Variants in AKAP6 observed in about 807,000 individuals in gnomAD.
AKAP6 encodes the protein A-kinase anchor protein 6.
A neutral mutation model predicts 188.5 loss-of-function variants in AKAP6; 58 were observed. That is an observed-to-expected ratio of 0.31 (90% CI 0.25 to 0.38). The LOEUF (loss-of-function observed/expected upper bound fraction) is 0.38, where lower values mean the gene tolerates loss of function less well. Ranked by LOEUF, AKAP6 falls within the 10% of genes least tolerant of loss-of-function variation. The pLI, the probability that AKAP6 is intolerant of heterozygous loss-of-function variation, is 1.00. For synonymous variants in AKAP6, 989 were observed against 998.6 expected (o/e 0.99, Z 0.18); for missense variants, 2,710 against 2,740.0 (o/e 0.99, Z 0.24).
At chr14:32,566,128 T>C (rs1404476782) in intron 4 of AKAP6, among the ~76,000 whole-genome samples, 1 of 152,172 alleles carries the variant, frequency 6.6e-6, no homozygotes, top group African/African-American at 2.4e-5. Flanking sequence ...CTAAATGTTA[T>C]TTACCTTTTT....
At chr14:32,687,949 A>T (rs1890004676) in intron 8 of AKAP6, among the ~76,000 whole-genome samples, 1 of 152,074 alleles carries the variant, frequency 6.6e-6, no homozygotes, top group South Asian at 2.1e-4. Context: ...ACACCCCTTT[A>T]ATGTGAAATA....
rs1220078671 is a variant in AKAP6, at chr14:32,594,332, CA to C, written c.2470-5077del. Among the ~76,000 whole-genome samples the C allele has an allele frequency of 3.3e-5, 5 of 152,256 alleles. No individual in the cohort carries two copies. In the East Asian group the frequency reaches 9.6e-4, roughly 29 times the overall value. Reference sequence around the variant, plus strand: ...TCTAAGTACTAAGACTATTTACTTACATATATGTAATTTTATCATAGATACA... The same window carrying C: ...TCTAAGTACTAAGACTATTTACTTACTATATGTAATTTTATCATAGATACA... On this transcript the variant is annotated intron_variant, in intron 5 of 13. Coordinates refer to ENST00000280979, the MANE Select transcript of AKAP6 (RefSeq NM_004274.5).
chr14:32,411,281 G>A (rs1889475514), intron 1 of AKAP6, among the ~76,000 whole-genome samples: 1 of 152,028 alleles, frequency 6.6e-6, no homozygotes, highest in Non-Finnish European at 1.5e-5. Flanking sequence ...GGTTGATATG[G>A]GCTGTTTATT....
At chr14:32,722,847 A>T (rs532416393) in intron 9 of AKAP6, among the ~76,000 whole-genome samples, 17 of 152,274 alleles carry the variant, frequency 1.1e-4, no homozygotes, top group African/African-American at 3.9e-4. Flanking sequence ...AGAATTCAGG[A>T]TGCACCGGGT....
At chr14:32,439,446 G>A (rs1158962266) in intron 2 of AKAP6, among the ~76,000 whole-genome samples, 1 of 152,174 alleles carries the variant, frequency 6.6e-6, no homozygotes, top group African/African-American at 2.4e-5. Context: ...TGGAACCTGG[G>A]CTGGCACCAG....
chr14:32,822,339 G>T lies in AKAP6; in HGVS notation c.4526G>T (p.Cys1509Phe). ...GGTTTTTATTTTGATAAAAAATCAT[G>T]CAAATCTAAACATCAGACTACAGAG... ...LRGFYFDKKS[C>F]KSKHQTTELQ... The change falls in exon 13 of 14, where the codon TGC (cysteine) becomes TTC (phenylalanine). Residue 1509 changes from cysteine (C) to phenylalanine (F), a missense_variant. Around this residue, in one of 2 missense-constraint regions of AKAP6, gnomAD observed 2,473 missense variants for 2,426.1 expected, o/e 1.02. Transcript: ENST00000280979. The T allele has an allele frequency of 6.2e-7, 1 of 1,613,946 alleles. No homozygotes were observed. The highest frequency in any genetic ancestry group is 8.5e-7 in the Non-Finnish European group (1 of 1,179,924).
At chr14:32,552,792 A>G (rs1170500250) in intron 4 of AKAP6, among the ~76,000 whole-genome samples, 6 of 152,226 alleles carry the variant, frequency 3.9e-5, no homozygotes, top group Non-Finnish European at 8.8e-5. Flanking sequence ...AAGTAGCTAG[A>G]AAGACTATGT....
chr14:32,330,881 G>A lies in AKAP6; in HGVS notation c.-35+1473G>A, dbSNP rs75049575. 1.2e-3 allele frequency among the ~76,000 whole-genome samples: 184 copies of A among 152,080 alleles called. 2 individuals are homozygous for A. In the East Asian group the frequency reaches 0.033, roughly 28 times the overall value. On this transcript the variant is annotated intron_variant, in intron 1 of 13. Coordinates refer to ENST00000280979, the MANE Select transcript of AKAP6 (RefSeq NM_004274.5). ...AAGCTTATGTTTCTGACATGCAGCT[G>A]TATAGGATGGGAGAGGTCAGCTCAG...
At chr14:32,751,498 C>CT (rs71432082) in intron 11 of AKAP6, among the ~76,000 whole-genome samples, 4,180 of 122,470 alleles carry the variant, frequency 0.034, 144 homozygotes, top group African/African-American at 0.053. Flanking sequence ...TCTCTTTTCA[C>CT]TTTTTTTTTT....
At chr14:32,753,625 G>A (rs1594912297) in intron 11 of AKAP6, among the ~76,000 whole-genome samples, 1 of 151,890 alleles carries the variant, frequency 6.6e-6, no homozygotes, top group East Asian at 1.9e-4. Flanking sequence ...TGTTTTCTAG[G>A]GGGAAAGTTT....
chr14:32,646,999 A>G (rs1218772492), intron 7 of AKAP6, among the ~76,000 whole-genome samples: 2 of 152,142 alleles, frequency 1.3e-5, no homozygotes, highest in African/African-American at 2.4e-5. Context: ...AACTATTTTG[A>G]TATCTTGAAA....
chr14:32,786,045 T>C (rs2033390401), intron 12 of AKAP6, among the ~76,000 whole-genome samples: 1 of 152,136 alleles, frequency 6.6e-6, no homozygotes, highest in Non-Finnish European at 1.5e-5. Context: ...GGGTCATTTC[T>C]AACAACTGAG....
intron 2 of AKAP6, among the ~76,000 whole-genome samples, chr14:32,526,335 T>A (rs568540506): frequency 2.0e-5 from 3 of 152,246 alleles, no homozygotes; most frequent in Admixed American, 6.5e-5. Flanking sequence ...CGGGGTCAAG[T>A]GATCCTCCTG....
At chr14:32,515,399 C>T (rs1432591991) in intron 2 of AKAP6, among the ~76,000 whole-genome samples, 2 of 152,066 alleles carry the variant, frequency 1.3e-5, no homozygotes, top group African/African-American at 4.8e-5. Flanking sequence ...GTACCTAGGA[C>T]TGGAACTCAA....
At chr14:32,773,417 C>T (rs761146439) in intron 11 of AKAP6, among the ~76,000 whole-genome samples, 1 of 152,074 alleles carries the variant, frequency 6.6e-6, no homozygotes, top group African/African-American at 2.4e-5. Flanking sequence ...GTTAATTACC[C>T]AGGTGTCTAG....
chr14:32,780,977 T>G (rs2033232485), intron 12 of AKAP6, among the ~76,000 whole-genome samples: 2 of 152,110 alleles, frequency 1.3e-5, no homozygotes. Flanking sequence ...TATTAAAATC[T>G]GTGGGATGCC....
intron 1 of AKAP6, among the ~76,000 whole-genome samples, chr14:32,367,043 G>A (rs768884515): frequency 6.6e-6 from 1 of 152,116 alleles, no homozygotes; most frequent in Non-Finnish European, 1.5e-5. Flanking sequence ...CCTTGCTGCG[G>A]GCTGCTCCAA....
chr14:32,785,547 T>G (rs1368367654), intron 12 of AKAP6, among the ~76,000 whole-genome samples: 1 of 152,218 alleles, frequency 6.6e-6, no homozygotes, highest in Non-Finnish European at 1.5e-5. Context: ...GTTGGCAGTT[T>G]TCTTGAATCC....
At chr14:32,690,904 G>C (rs889761749) in intron 8 of AKAP6, among the ~76,000 whole-genome samples, 5 of 152,114 alleles carry the variant, frequency 3.3e-5, no homozygotes, top group African/African-American at 1.2e-4. Flanking sequence ...AATACATTTT[G>C]GTTAAATGTT....
Sources: allele counts gnomAD v4.1 joint callset (sites outside exome capture counted in the v4.1 genomes callset), GRCh38; gene constraint gnomAD v4.1.1; regional missense constraint gnomAD v4.1.1; transcripts MANE v1.5; gene names NCBI Gene and HGNC (gene_info 2026-07-23, HGNC 2026-07-21).